FAHD2A: variants seen among roughly 807,000 people sequenced by gnomAD.
FAHD2A encodes oxaloacetate tautomerase FAHD2A, mitochondrial.
FAHD2A carries 27 observed loss-of-function variants against 33.4 expected under a neutral mutation model. The observed-to-expected ratio is 0.81, with a 90% CI of 0.60 to 1.11. The LOEUF (loss-of-function observed/expected upper bound fraction) is 1.11. Among genes scored for constraint, FAHD2A ranks in the 50% most tolerant of loss-of-function variants. The probability of loss-of-function intolerance (pLI) is 0.00; values close to 1 mark genes in which losing one functional copy is unlikely to be tolerated. For missense variants in FAHD2A, 296 were observed against 395.0 expected (o/e 0.75, Z 2.12); for synonymous variants, 130 against 153.3 (o/e 0.85, Z 1.12).
chr2:95,418,380 C>G (rs913522780), downstream of FAHD2A, among the ~76,000 whole-genome samples: 1 of 151,838 alleles, frequency 6.6e-6, no homozygotes, highest in African/African-American at 2.4e-5. Flanking sequence ...AGAGATATAT[C>G]TGTTCCCTAC....
In FAHD2A at chr2:95,414,617, C is replaced by A. The variant is rs1682976069; in HGVS notation, c.*1660C>A. ...CTTGGTGCCCCCCAACCCCACTCGA[C>A]TCATTGTCCACCTGGCCTCTGAGGC... On this transcript the variant is annotated 3_prime_UTR_variant, in exon 8 of 8. Transcript: ENST00000233379. 1 of 215,230 alleles carries A rather than the reference C, an allele frequency of 4.6e-6. No individual in the cohort carries two copies. Among genetic ancestry groups the A allele is most frequent in the Non-Finnish European group, 9.3e-6 (1 of 107,244 alleles). The allele number at this position is 215,230 out of a possible 1,614,324, so 13.3% of individuals were successfully genotyped here.
In FAHD2A at chr2:95,413,118, A is replaced by G. The variant is rs932248476; in HGVS notation, c.*161A>G. 12 of 1,194,754 alleles carry G rather than the reference A, an allele frequency of 1.0e-5. No individual in the cohort carries two copies. Among genetic ancestry groups the G allele is most frequent in the Admixed American group, 2.6e-5 (1 of 38,880 alleles). The allele number at this position is 1,194,754 out of a possible 1,614,324, so 74.0% of individuals were successfully genotyped here. On this transcript the variant is annotated 3_prime_UTR_variant, in exon 8 of 8. Coordinates refer to ENST00000233379, the MANE Select transcript of FAHD2A (RefSeq NM_016044.3). ...CAGAGCTCTCTTCAATAAATTCGTC[A>G]GGTCAAAGCAGCAGCTTTGCTTCTG...
intron 5 of FAHD2A, among the ~76,000 whole-genome samples, chr2:95,412,076 C>T (rs1477037288): frequency 6.6e-6 from 1 of 152,202 alleles, no homozygotes. Context: ...CAGACATGAG[C>T]CACCACGCTT....
chr2:95,407,792 T>C (rs1053921246), intron 3 of FAHD2A, among the ~76,000 whole-genome samples: 1 of 152,258 alleles, frequency 6.6e-6, no homozygotes, highest in African/African-American at 2.4e-5. Context: ...TTCTGCCAAT[T>C]GGCCTTTTAA....
Position 95,411,029 on chromosome 2 carries a change from A to G in FAHD2A, c.685+3A>G. ...GGTGACCAAGGACAGTGTAGCAGGTAGGTCCCTGGTCCCTGCCCCCTTATA... is the reference window on the plus strand; with the variant it reads ...GGTGACCAAGGACAGTGTAGCAGGTGGGTCCCTGGTCCCTGCCCCCTTATA... On this transcript the variant is annotated splice_donor_region_variant and intron_variant, in intron 5 of 7. Coordinates refer to ENST00000233379, the MANE Select transcript of FAHD2A (RefSeq NM_016044.3). 1 of 1,613,900 alleles carries G rather than the reference A, an allele frequency of 6.2e-7. No homozygotes were observed. Among genetic ancestry groups the G allele is most frequent in the East Asian group, 2.2e-5 (1 of 44,888 alleles).
downstream of FAHD2A, among the ~76,000 whole-genome samples, chr2:95,421,209 GCTTCTCATGGA>G (rs1206469393): frequency 3.7e-5 from 4 of 106,702 alleles, no homozygotes; most frequent in Admixed American, 9.4e-5. Context: ...ACCCAGGCCA[GCTTCTCATGGA>G]CTAGCCTTGG....
At position 95,402,918 on chromosome 2, in the gene FAHD2A, G is replaced by A. The variant is rs75540408; in HGVS notation, c.-7+46G>A. 1.2e-3 allele frequency: 177 copies of A among 152,492 alleles called. No individual in the cohort carries two copies. The East Asian group carries it at 0.032, about 28-fold the overall frequency. 9.4% of individuals were successfully genotyped at this position (152,492 alleles called of 1,614,324 possible). A position where few individuals can be genotyped will look rare whatever the true frequency, so the allele number is the denominator to read the frequency against. ...TCTAGGCCAGAAGGGTGTCCGTGGC[G>A]CCGGTCTCCCGCGGAGCGCAGAACT... is the stretch of plus-strand genomic sequence containing the variant. On this transcript the variant is annotated intron_variant, in intron 1 of 7. Transcript: ENST00000233379.
chr2:95,412,932 G>T lies in FAHD2A; in HGVS notation c.920G>T (p.Gly307Val). ...GTCCAGTGTGAGATTGAAGAACTAGGTGTCATCATCAACAAGGTGGTGTGA... is the reference window on the plus strand; with the variant it reads ...GTCCAGTGTGAGATTGAAGAACTAGTTGTCATCATCAACAAGGTGGTGTGA... ...DEVQCEIEEL[G>V]VIINKVV The change falls in exon 8 of 8, where the codon GGT (glycine) becomes GTT (valine). Residue 307 changes from glycine to valine, a missense_variant. Coordinates refer to ENST00000233379, the MANE Select transcript of FAHD2A (RefSeq NM_016044.3). 1.2e-6 allele frequency: 2 copies of T among 1,614,196 alleles called. No homozygotes were observed. The highest frequency in any genetic ancestry group is 2.2e-5 in the South Asian group (2 of 91,078).
intron 1 of FAHD2A, among the ~76,000 whole-genome samples, chr2:95,403,763 C>G (rs977365788): frequency 1.3e-5 from 2 of 152,186 alleles, no homozygotes; most frequent in African/African-American, 4.8e-5. Context: ...CCTCTTTAAG[C>G]CTTAATTGTT....
At chr2:95,402,926 C>G (rs918722871) in intron 1 of FAHD2A, 54 bp downstream of exon 1, 1 of 152,420 alleles carries the variant, frequency 6.6e-6, no homozygotes, top group African/African-American at 2.4e-5. Flanking sequence ...GCGCCGGTCT[C>G]CCGCGGAGCG....
Position 95,413,815 on chromosome 2 carries a change from G to T in FAHD2A, c.*858G>T, listed in dbSNP as rs550228236. On this transcript the variant is annotated 3_prime_UTR_variant, in exon 8 of 8. Coordinates refer to ENST00000233379, the MANE Select transcript of FAHD2A (RefSeq NM_016044.3). ...CAACCCATCACCACGTCTATTGCTG[G>T]AAGACACCAAGTAAATCCCAGGGTC... The T allele has an allele frequency of 5.5e-6, 4 of 723,094 alleles. No homozygotes were observed. Among genetic ancestry groups the T allele is most frequent in the South Asian group, 5.2e-5 (3 of 57,532 alleles). The allele number at this position is 723,094 out of a possible 1,614,324, so 44.8% of individuals were successfully genotyped here. A position where few individuals can be genotyped will look rare whatever the true frequency, so the allele number is the denominator to read the frequency against.
intron 3 of FAHD2A, among the ~76,000 whole-genome samples, chr2:95,410,050 A>G (rs1221057898): frequency 1.3e-5 from 2 of 152,218 alleles, no homozygotes; most frequent in African/African-American, 4.8e-5. Context: ...TTTATGGATT[A>G]TGGGAGAGGC....
At chr2:95,407,358 C>G (rs976587673) in intron 3 of FAHD2A, 1 of 701,286 alleles carries the variant, frequency 1.4e-6, no homozygotes, top group African/African-American at 1.8e-5. Flanking sequence ...AAGCAATGCA[C>G]CTTCACTGTA....
chr2:95,410,092 C>T (rs1682224339), intron 3 of FAHD2A, among the ~76,000 whole-genome samples: 1 of 152,188 alleles, frequency 6.6e-6, no homozygotes, highest in Admixed American at 6.5e-5. Flanking sequence ...TGGCCATGTC[C>T]GTTACCTTTT....
At chr2:95,403,363 G>A (rs1681028033) in intron 1 of FAHD2A, among the ~76,000 whole-genome samples, 1 of 152,214 alleles carries the variant, frequency 6.6e-6, no homozygotes, top group South Asian at 2.1e-4. Context: ...TGTGTGTCAT[G>A]TGGGAAGGGA....
rs1265980895 is a variant in FAHD2A, at chr2:95,415,237, C to T, written c.*2280C>T. On this transcript the variant is annotated 3_prime_UTR_variant, in exon 8 of 8. Coordinates refer to ENST00000233379, the MANE Select transcript of FAHD2A (RefSeq NM_016044.3). ...TTTGGGTATGCCAACTCCATGTCCACCAAGCACTGCATGTAGGACAGGGCA... is the reference window on the plus strand; with the variant it reads ...TTTGGGTATGCCAACTCCATGTCCATCAAGCACTGCATGTAGGACAGGGCA... 6.6e-6 allele frequency: 1 copy of T among 152,102 alleles called. No homozygotes were observed. The highest frequency in any genetic ancestry group is 1.5e-5 in the Non-Finnish European group (1 of 68,032). 9.4% of individuals were successfully genotyped at this position (152,102 alleles called of 1,614,324 possible). A position where few individuals can be genotyped will look rare whatever the true frequency, so the allele number is the denominator to read the frequency against.
chr2:95,411,377 A>T (rs1386205334), intron 5 of FAHD2A, among the ~76,000 whole-genome samples: 2 of 152,256 alleles, frequency 1.3e-5, no homozygotes, highest in African/African-American at 4.8e-5. Context: ...GGCATTTTCC[A>T]CACTACAGGA....
At chr2:95,406,791 A>G (rs1681635199) in intron 2 of FAHD2A, 150 bp from the exon 3 acceptor site, 1 of 1,419,470 alleles carries the variant, frequency 7.0e-7, no homozygotes, top group Admixed American at 2.7e-5. Flanking sequence ...GACAATAGTC[A>G]GTGATTTTCA....
chr2:95,411,225 A>C (rs1329811959), intron 5 of FAHD2A, among the ~76,000 whole-genome samples, 199 bp downstream of exon 5: 1 of 152,240 alleles, frequency 6.6e-6, no homozygotes, highest in Non-Finnish European at 1.5e-5. Context: ...TAGAGGGAAC[A>C]CAACTGCAGA....
Sources: gnomAD v4.1 joint callset for allele counts (sites outside exome capture counted in the v4.1 genomes callset) on GRCh38, gnomAD v4.1.1 for gene constraint, MANE v1.5 for transcripts, NCBI Gene and HGNC (gene_info 2026-07-23, HGNC 2026-07-21) for gene names.